PTPRG: variants seen among roughly 807,000 people sequenced by gnomAD.
PTPRG encodes the protein receptor-type tyrosine-protein phosphatase gamma.
A neutral mutation model predicts 165.3 loss-of-function variants in PTPRG; 102 were observed. The ratio of observed to expected loss-of-function variants is 0.62; its 90% confidence interval spans 0.53 to 0.73. The LOEUF (loss-of-function observed/expected upper bound fraction) is 0.73, where lower values mean the gene tolerates loss of function less well. Among genes scored for constraint, PTPRG ranks in the 30% least tolerant of loss-of-function variants. PTPRG has a pLI of 0.00. For synonymous variants in PTPRG, 675 were observed against 669.5 expected (o/e 1.01, Z -0.13); for missense variants, 1,866 against 1,861.4 (o/e 1.00, Z -0.05).
chr3:62,051,695 G>T (rs909565919), intron 4 of PTPRG, among the ~76,000 whole-genome samples: 1 of 152,076 alleles, frequency 6.6e-6, no homozygotes, highest in Non-Finnish European at 1.5e-5. Context: ...AACCATGGTG[G>T]CTCAGAGAAA....
At chr3:61,615,475 G>C (rs146001243) in intron 1 of PTPRG, among the ~76,000 whole-genome samples, 13 of 152,324 alleles carry the variant, frequency 8.5e-5, no homozygotes, top group Non-Finnish European at 1.2e-4. Flanking sequence ...AATCCTATCA[G>C]GTGATTTGAT....
intron 5 of PTPRG, among the ~76,000 whole-genome samples, chr3:62,083,833 A>G (rs1701659360): frequency 6.6e-6 from 1 of 152,182 alleles, no homozygotes; most frequent in Non-Finnish European, 1.5e-5. Context: ...TTAACCATGC[A>G]ACCTTCTTAA....
At chr3:62,191,339 C>T (rs1335903790) in intron 8 of PTPRG, 130 bp from the exon 9 acceptor site, 15 of 710,264 alleles carry the variant, frequency 2.1e-5, no homozygotes, top group Non-Finnish European at 3.2e-5. Context: ...GTTAAGAGGA[C>T]CCAGGAGAAG....
intron 1 of PTPRG, chr3:61,743,075 C>G: frequency 6.3e-7 from 1 of 1,590,942 alleles, no homozygotes; most frequent in Non-Finnish European, 8.6e-7. Context: ...CGCACCGCCT[C>G]GTACAGGGTG....
chr3:62,267,774 CA>C lies in PTPRG; in HGVS notation c.2830del (p.Thr944LeufsTer5). ...DFWRMIWEQN[T>X]GIIVMITNLV... ...TCTGGAGGATGATTTGGGAACAAAA[CA>C]CTGGAATCATTGTGATGATTACGAA... On this transcript the variant is annotated frameshift_variant, in exon 19 of 30. Transcript: ENST00000474889. LOFTEE classifies it high-confidence loss of function. The C allele has an allele frequency of 6.2e-7, 1 of 1,613,504 alleles. No individual in the cohort carries two copies. Among genetic ancestry groups the C allele is most frequent in the Non-Finnish European group, 8.5e-7 (1 of 1,179,534 alleles).
chr3:61,718,213 CAAAAAA>C (rs376955925), intron 1 of PTPRG, among the ~76,000 whole-genome samples: 72 of 102,436 alleles, frequency 7.0e-4, no homozygotes, highest in Non-Finnish European at 1.3e-3. Context: ...AAACAAAAAC[CAAAAAA>C]AAAAAAAAAA....
intron 5 of PTPRG, among the ~76,000 whole-genome samples, chr3:62,097,603 T>A (rs1472270283): frequency 6.6e-6 from 1 of 152,172 alleles, no homozygotes; most frequent in Non-Finnish European, 1.5e-5. Flanking sequence ...AAAAAACAAA[T>A]TTCTAGATGA....
intron 4 of PTPRG, among the ~76,000 whole-genome samples, chr3:62,004,469 A>G (rs2041246517): frequency 6.6e-6 from 1 of 152,156 alleles, no homozygotes; most frequent in Non-Finnish European, 1.5e-5. Context: ...AGTTCACCAG[A>G]CCATTGCACC....
chr3:61,863,026 A>G (rs145592170), intron 2 of PTPRG, among the ~76,000 whole-genome samples: 2 of 150,516 alleles, frequency 1.3e-5, no homozygotes, highest in East Asian at 4.1e-4. Flanking sequence ...ATGAGGGCGA[A>G]CTGTAAGACC....
intron 4 of PTPRG, among the ~76,000 whole-genome samples, chr3:62,045,156 C>A (rs1344546962): frequency 6.6e-6 from 1 of 152,120 alleles, no homozygotes; most frequent in African/African-American, 2.4e-5. Context: ...TCCATTGTTG[C>A]TTTTCAGATG....
In PTPRG at chr3:62,222,871, C is replaced by T. The variant is rs376818171; in HGVS notation, c.2288+3888C>T. On this transcript the variant is annotated intron_variant, in intron 13 of 29. Coordinates refer to ENST00000474889, the MANE Select transcript of PTPRG (RefSeq NM_002841.4). The surrounding 1 kb of genome is among the most constrained non-coding windows in gnomAD (Gnocchi z 4.5). ...GGCCCTCACAGTCCATTGGAAGAGGCAGATGAGTAAATAGAATTGAGTATG... is the reference window on the plus strand; with the variant it reads ...GGCCCTCACAGTCCATTGGAAGAGGTAGATGAGTAAATAGAATTGAGTATG... Among the ~76,000 whole-genome samples, 376 of 152,154 alleles carry T rather than the reference C, an allele frequency of 2.5e-3. 2 individuals are homozygous for T. The highest frequency in any genetic ancestry group is 8.7e-3 in the African/African-American group (363 of 41,518).
intron 28 of PTPRG, among the ~76,000 whole-genome samples, chr3:62,286,714 T>G (rs565000902): frequency 6.6e-6 from 1 of 152,256 alleles, no homozygotes; most frequent in Admixed American, 6.5e-5. Context: ...ATGGAGCCCT[T>G]AGAGGAAGTG....
At chr3:62,243,675 C>G in intron 14 of PTPRG, 132 bp from the exon 15 acceptor site, 1 of 546,796 alleles carries the variant, frequency 1.8e-6, no homozygotes, top group Non-Finnish European at 3.1e-6. Flanking sequence ...TATCTTGTTA[C>G]TTTTACATGA....
chr3:61,680,162 G>A (rs1376312745), intron 1 of PTPRG, among the ~76,000 whole-genome samples: 1 of 152,130 alleles, frequency 6.6e-6, no homozygotes, highest in Non-Finnish European at 1.5e-5. Flanking sequence ...CCAATAGGAT[G>A]GCCATCTGCC....
intron 2 of PTPRG, among the ~76,000 whole-genome samples, chr3:61,799,821 C>A (rs1305465748): frequency 6.6e-6 from 1 of 152,150 alleles, no homozygotes; most frequent in Admixed American, 6.5e-5. Context: ...TATTCACTAA[C>A]CCCTTGAGAG....
chr3:62,003,474 A>C lies in PTPRG; in HGVS notation c.496A>C (p.Asn166His), dbSNP rs1348571652. 1.2e-6 allele frequency: 2 copies of C among 1,613,868 alleles called. No individual in the cohort carries two copies. The highest frequency in any genetic ancestry group is 1.7e-6 in the Non-Finnish European group (2 of 1,179,928). ...CTCAGCGGGCTCTGAACACAGCATCAATGGCAGGAGGTTTCCTGTTGAGGT... is the reference window on the plus strand; with the variant it reads ...CTCAGCGGGCTCTGAACACAGCATCCATGGCAGGAGGTTTCCTGTTGAGGT... ...NGSAGSEHSI[N>H]GRRFPVEMQI... The change falls in exon 4 of 30, where the codon AAT becomes CAT. Residue 166 changes from asparagine (N) to histidine (H), a missense_variant. By Grantham distance (68) the Asn-to-His change is moderately conservative (BLOSUM62 1). This residue lies in a region of PTPRG where 408 missense variants were observed against 376.2 expected (regional missense o/e 1.08). Coordinates refer to ENST00000474889, the MANE Select transcript of PTPRG (RefSeq NM_002841.4).
intron 3 of PTPRG, among the ~76,000 whole-genome samples, chr3:62,000,597 G>A (rs925010483): frequency 6.6e-6 from 1 of 152,154 alleles, no homozygotes; most frequent in Non-Finnish European, 1.5e-5. Context: ...CTTCAGAACC[G>A]ACAGAGGTAG....
At chr3:62,013,904 A>G (rs1228527349) in intron 4 of PTPRG, among the ~76,000 whole-genome samples, 1 of 152,138 alleles carries the variant, frequency 6.6e-6, no homozygotes, top group African/African-American at 2.4e-5. Flanking sequence ...GGGAACTCAA[A>G]TAAAGCTGGC....
chr3:62,093,525 A>G (rs1702012938), intron 5 of PTPRG, among the ~76,000 whole-genome samples: 1 of 152,184 alleles, frequency 6.6e-6, no homozygotes, highest in Non-Finnish European at 1.5e-5. Flanking sequence ...TTGGCACCAA[A>G]AGAAACCCAG....
Sources: allele counts gnomAD v4.1 joint callset (sites outside exome capture counted in the v4.1 genomes callset), GRCh38; gene constraint gnomAD v4.1.1; regional missense constraint gnomAD v4.1.1; non-coding constraint Gnocchi (gnomAD v3.1); transcripts MANE v1.5; gene names NCBI Gene and HGNC (gene_info 2026-07-23, HGNC 2026-07-21).